The following RTN1 variants were observed in gnomAD, a reference collection of about 807,000 sequenced individuals.
RTN1 encodes the protein reticulon 1, also known as reticulon-1.
RTN1 carries 25 observed loss-of-function variants against 65.5 expected under a neutral mutation model. The observed-to-expected ratio is 0.38, with a 90% CI of 0.28 to 0.53. RTN1 has a LOEUF of 0.53. Ranked by LOEUF, RTN1 falls within the 20% of genes least tolerant of loss-of-function variation. The pLI is 0.79. For missense variants in RTN1, 983 were observed against 1,025.4 expected (o/e 0.96, Z 0.57); for synonymous variants, 471 against 447.6 (o/e 1.05, Z -0.66).
At chr14:59,675,216 A>C (rs1883598958) in intron 3 of RTN1, among the ~76,000 whole-genome samples, 1 of 152,174 alleles carries the variant, frequency 6.6e-6, no homozygotes, top group Admixed American at 6.6e-5. Flanking sequence ...AATAGTGTCT[A>C]AACTAAGTCT....
chr14:59,645,462 G>A (rs1012120456), intron 3 of RTN1, among the ~76,000 whole-genome samples: 1 of 149,498 alleles, frequency 6.7e-6, no homozygotes, highest in African/African-American at 2.6e-5. Flanking sequence ...TTTGTTACAT[G>A]AGTCCCTGTT....
At chr14:59,636,836 G>A (rs983955576) in intron 3 of RTN1, among the ~76,000 whole-genome samples, 4 of 152,150 alleles carry the variant, frequency 2.6e-5, no homozygotes, top group African/African-American at 9.7e-5. Context: ...AAATTCACAT[G>A]CCTTGATTTA....
At chr14:59,765,084 C>T (rs1885824796) in intron 1 of RTN1, among the ~76,000 whole-genome samples, 1 of 151,528 alleles carries the variant, frequency 6.6e-6, no homozygotes, top group Admixed American at 6.6e-5. Context: ...TTTAAAATTG[C>T]CTCGTAAAAT....
chr14:59,870,577 C>A lies in RTN1; in HGVS notation c.54G>T (p.Gly18=). Reference sequence around the variant, plus strand: ...CCCCCCGGTGCCTGAGCCACTGGGACCCGGGGCCGGCCAGCGGCAGCAGCT... The same window carrying A: ...CCCCCCGGTGCCTGAGCCACTGGGAACCGGGGCCGGCCAGCGGCAGCAGCT... ...QDELLPLAGP[G]SQWLRHRGEG... is the part of the protein sequence containing the mutation. The change falls in exon 1 of 9, where the codon GGG becomes GGT. Residue 18 remains glycine (G), a synonymous_variant. Transcript: ENST00000267484. The surrounding 1 kb of genome is among the most constrained non-coding windows in gnomAD (Gnocchi z 5.1). 6.9e-7 allele frequency: 1 copy of A among 1,451,512 alleles called. No individual in the cohort carries two copies. Among genetic ancestry groups the A allele is most frequent in the Non-Finnish European group, 9.0e-7 (1 of 1,106,894 alleles). The allele number at this position is 1,451,512 out of a possible 1,614,324, so 89.9% of individuals were successfully genotyped here.
intron 3 of RTN1, among the ~76,000 whole-genome samples, chr14:59,610,744 T>A (rs1304945429): frequency 1.3e-5 from 2 of 152,190 alleles, no homozygotes; most frequent in African/African-American, 4.8e-5. Context: ...GGACTAACAT[T>A]AGCCACAAGA....
chr14:59,652,810 A>C (rs1883046078), intron 3 of RTN1, among the ~76,000 whole-genome samples: 1 of 152,164 alleles, frequency 6.6e-6, no homozygotes, highest in Non-Finnish European at 1.5e-5. Context: ...AATCTAAAAT[A>C]AAAGTTAAAA....
At chr14:59,818,360 G>C (rs1348740132) in intron 1 of RTN1, among the ~76,000 whole-genome samples, 1 of 152,120 alleles carries the variant, frequency 6.6e-6, no homozygotes, top group Non-Finnish European at 1.5e-5. Context: ...CTAGAAAGCT[G>C]ACCACATGGT....
At chr14:59,654,453 A>G (rs1375317655) in intron 3 of RTN1, among the ~76,000 whole-genome samples, 12 of 150,098 alleles carry the variant, frequency 8.0e-5, no homozygotes, top group African/African-American at 2.7e-4. Flanking sequence ...AAAAAGGAGG[A>G]GGGAAAATAT....
intron 1 of RTN1, among the ~76,000 whole-genome samples, chr14:59,749,498 TA>T (rs1322837136): frequency 5.4e-5 from 4 of 74,690 alleles, no homozygotes; most frequent in African/African-American, 2.2e-4. Context: ...TATCTATATA[TA>T]TCTATATATA....
intron 1 of RTN1, among the ~76,000 whole-genome samples, chr14:59,867,413 G>A (rs1048288000): frequency 1.3e-5 from 2 of 152,134 alleles, no homozygotes; most frequent in Non-Finnish European, 2.9e-5. Context: ...AATTTCACAT[G>A]TCCATTATCA....
At chr14:59,838,321 G>T (rs1887250509) in intron 1 of RTN1, among the ~76,000 whole-genome samples, 1 of 152,166 alleles carries the variant, frequency 6.6e-6, no homozygotes, top group African/African-American at 2.4e-5. Flanking sequence ...TGCATCAAAA[G>T]CCTGAAGAAC....
intron 1 of RTN1, among the ~76,000 whole-genome samples, chr14:59,808,305 A>G (rs1886671757): frequency 6.6e-6 from 1 of 152,214 alleles, no homozygotes; most frequent in Non-Finnish European, 1.5e-5. Flanking sequence ...CTGAAAGTCT[A>G]TTAAGATTCC....
chr14:59,657,296 C>T (rs1444071623), intron 3 of RTN1, among the ~76,000 whole-genome samples: 3 of 152,174 alleles, frequency 2.0e-5, no homozygotes, highest in African/African-American at 7.2e-5. Context: ...GTAATCACAG[C>T]TACTGGGGAA....
chr14:59,630,595 C>G, intron 3 of RTN1: 3 of 1,590,122 alleles, frequency 1.9e-6, no homozygotes, highest in Non-Finnish European at 2.6e-6. Flanking sequence ...CGGCTGGGCT[C>G]GCAGTGGCCG....
At chr14:59,673,940 T>G (rs565452525) in intron 3 of RTN1, among the ~76,000 whole-genome samples, 1 of 152,220 alleles carries the variant, frequency 6.6e-6, no homozygotes, top group Non-Finnish European at 1.5e-5. Context: ...AATCCCCCAA[T>G]CTTATTCATA....
chr14:59,663,389 AC>A (rs1224376544), intron 3 of RTN1, among the ~76,000 whole-genome samples: 1 of 152,134 alleles, frequency 6.6e-6, no homozygotes, highest in East Asian at 1.9e-4. Context: ...CTAGAAGAAA[AC>A]CTAGGCAATA....
At chr14:59,711,820 A>G (rs191273628) in intron 3 of RTN1, among the ~76,000 whole-genome samples, 1 of 152,364 alleles carries the variant, frequency 6.6e-6, no homozygotes, top group East Asian at 1.9e-4. Flanking sequence ...AAACAGGTCC[A>G]TGATAGGGAC....
At chr14:59,801,108 C>A (rs1276926894) in intron 1 of RTN1, among the ~76,000 whole-genome samples, 1 of 152,022 alleles carries the variant, frequency 6.6e-6, no homozygotes, top group Admixed American at 6.6e-5. Flanking sequence ...TCTGGGACAA[C>A]ATCAAACAGG....
At chr14:59,658,184 C>T (rs1950776) in intron 3 of RTN1, among the ~76,000 whole-genome samples, 64,113 of 152,142 alleles carry the variant, frequency 0.42, 14,427 homozygotes, top group African/African-American at 0.57. Flanking sequence ...CCACTGTAGA[C>T]GGACTGCCTC....
Sources: allele counts gnomAD v4.1 joint callset (sites outside exome capture counted in the v4.1 genomes callset), GRCh38; gene constraint gnomAD v4.1.1; non-coding constraint Gnocchi (gnomAD v3.1); transcripts MANE v1.5; gene names NCBI Gene and HGNC (gene_info 2026-07-23, HGNC 2026-07-21).